Variants in GABRB2 observed in about 807,000 individuals in gnomAD.
The protein encoded by GABRB2 is gamma-aminobutyric acid type A receptor subunit beta2, also known as gamma-aminobutyric acid receptor subunit beta-2.
Under a neutral mutation model 54.7 loss-of-function variants are expected in GABRB2, and 16 were observed. The observed-to-expected ratio is 0.29, with a 90% CI of 0.20 to 0.44. The LOEUF (loss-of-function observed/expected upper bound fraction) is 0.44. Among genes scored for constraint, GABRB2 ranks in the 20% least tolerant of loss-of-function variants. GABRB2 has a pLI of 1.00. For synonymous variants in GABRB2, 244 were observed against 233.8 expected (o/e 1.04, Z -0.40); for missense variants, 355 against 644.0 (o/e 0.55, Z 4.86).
Position 161,289,103 on chromosome 5 carries a change from A to G in GABRB2, c.*4978T>C, listed in dbSNP as rs1270254998. The stretch of plus-strand genomic sequence containing the variant: ...TACAGTTTTGTTTTTCATCATTTGA[A>G]TCATATTGATCTTCATCACAAATAA... On this transcript the variant is annotated 3_prime_UTR_variant, in exon 10 of 10. Coordinates refer to ENST00000393959, the MANE Select transcript of GABRB2 (RefSeq NM_001371727.1). 1 of 152,070 alleles carries G rather than the reference A, an allele frequency of 6.6e-6. No homozygotes were observed. Among genetic ancestry groups the G allele is most frequent in the East Asian group, 1.9e-4 (1 of 5,200 alleles). The allele number at this position is 152,070 out of a possible 1,614,324, so 9.4% of individuals were successfully genotyped here.
chr5:161,326,292 A>AT, intron 9 of GABRB2, 76 bp downstream of exon 9: 1 of 1,586,798 alleles, frequency 6.3e-7, no homozygotes, highest in East Asian at 2.2e-5. Context: ...GATCCCACAC[A>AT]TTTTTTAAGG....
At chr5:161,463,767 A>G (rs1247733124) in intron 3 of GABRB2, among the ~76,000 whole-genome samples, 1 of 150,744 alleles carries the variant, frequency 6.6e-6, no homozygotes, top group African/African-American at 2.4e-5. Context: ...CTAAAAGTAA[A>G]CCCATGCACC....
intron 9 of GABRB2, among the ~76,000 whole-genome samples, chr5:161,299,709 TA>T (rs1757482126): frequency 6.6e-6 from 1 of 152,144 alleles, no homozygotes; most frequent in Admixed American, 6.5e-5. Flanking sequence ...CTTTCTTTCT[TA>T]AGCCAGTATT....
intron 3 of GABRB2, among the ~76,000 whole-genome samples, chr5:161,529,276 C>A (rs140609040): frequency 2.0e-5 from 3 of 151,864 alleles, no homozygotes; most frequent in Admixed American, 1.3e-4. Context: ...TTATTATTTA[C>A]GTTCTATTTG....
chr5:161,471,882 T>G (rs113309514), intron 3 of GABRB2, among the ~76,000 whole-genome samples: 30 of 152,148 alleles, frequency 2.0e-4, no homozygotes, highest in African/African-American at 7.0e-4. Context: ...CTAATTAGTC[T>G]GTACCCAATG....
At chr5:161,495,947 C>T (rs1759228513) in intron 3 of GABRB2, among the ~76,000 whole-genome samples, 1 of 152,162 alleles carries the variant, frequency 6.6e-6, no homozygotes, top group African/African-American at 2.4e-5. Context: ...AGTAGAACTT[C>T]ACATTTGCAT....
intron 2 of GABRB2, 42 bp downstream of exon 2, chr5:161,546,280 C>T (rs762173116): frequency 5.2e-6 from 8 of 1,531,354 alleles, no homozygotes; most frequent in Admixed American, 1.7e-5. Context: ...CAAAAGACAG[C>T]TTCGGCTGTG....
rs551401304 is a variant in GABRB2, at chr5:161,533,508, T to C, written c.237+11719A>G. On this transcript the variant is annotated intron_variant, in intron 3 of 9. Coordinates refer to ENST00000393959, the MANE Select transcript of GABRB2 (RefSeq NM_001371727.1). ...ATATGAGTTAGAGTCATATAAAGCT[T>C]AAAAAATAGATTTCATTTAGATGCT... Among the ~76,000 whole-genome samples, 261 of 152,224 alleles carry C rather than the reference T, an allele frequency of 1.7e-3. 1 individual carries two copies. The highest frequency in any genetic ancestry group is 6.0e-3 in the African/African-American group (249 of 41,562).
chr5:161,403,753 C>T (rs1428263069), intron 5 of GABRB2, among the ~76,000 whole-genome samples: 1 of 151,694 alleles, frequency 6.6e-6, no homozygotes, highest in Non-Finnish European at 1.5e-5. Flanking sequence ...AACGTGACTG[C>T]CAAAACAAAA....
intron 5 of GABRB2, among the ~76,000 whole-genome samples, chr5:161,348,119 A>G (rs1188438921): frequency 6.6e-6 from 1 of 152,070 alleles, no homozygotes; most frequent in Non-Finnish European, 1.5e-5. Context: ...TAAAACAGCA[A>G]TTCTCAAATT....
At chr5:161,321,127 G>A (rs1036882034) in intron 9 of GABRB2, among the ~76,000 whole-genome samples, 1 of 151,966 alleles carries the variant, frequency 6.6e-6, no homozygotes, top group African/African-American at 2.4e-5. Flanking sequence ...CTCTAGGTTG[G>A]CAATCTATGA....
intron 4 of GABRB2, among the ~76,000 whole-genome samples, chr5:161,446,939 T>C (rs1757649649): frequency 6.6e-6 from 1 of 151,538 alleles, no homozygotes; most frequent in South Asian, 2.1e-4. Context: ...TATTGATACA[T>C]AATAAGAATT....
At chr5:161,420,593 T>C (rs1756820847) in intron 4 of GABRB2, among the ~76,000 whole-genome samples, 1 of 152,218 alleles carries the variant, frequency 6.6e-6, no homozygotes, top group South Asian at 2.1e-4. Context: ...TTGCCCTGTC[T>C]TGCTTCTGTA....
intron 3 of GABRB2, among the ~76,000 whole-genome samples, chr5:161,474,744 T>C (rs1436995967): frequency 6.6e-6 from 1 of 152,010 alleles, no homozygotes. Flanking sequence ...TCAGATATAA[T>C]ACCAGAGTCT....
intron 5 of GABRB2, among the ~76,000 whole-genome samples, chr5:161,389,662 G>T (rs1468676526): frequency 6.6e-6 from 1 of 151,406 alleles, no homozygotes; most frequent in Non-Finnish European, 1.5e-5. Context: ...AGGGATTAAG[G>T]AATTGTTTGG....
intron 7 of GABRB2, among the ~76,000 whole-genome samples, chr5:161,332,009 C>CA (rs1053764078): frequency 6.6e-5 from 10 of 151,194 alleles, no homozygotes; most frequent in East Asian, 1.9e-4. Context: ...ACTAAAAATA[C>CA]AAAAAAATTA....
At chr5:161,307,509 C>G (rs1757723725) in intron 9 of GABRB2, among the ~76,000 whole-genome samples, 1 of 152,170 alleles carries the variant, frequency 6.6e-6, no homozygotes, top group Non-Finnish European at 1.5e-5. Flanking sequence ...TTGGAATCAG[C>G]TTTGAATGCT....
At chr5:161,460,175 A>G (rs1758076559) in intron 3 of GABRB2, among the ~76,000 whole-genome samples, 1 of 152,032 alleles carries the variant, frequency 6.6e-6, no homozygotes, top group African/African-American at 2.4e-5. Flanking sequence ...CGAACTATTG[A>G]CCTCAGGTAA....
chr5:161,421,343 G>A (rs1157687052), intron 4 of GABRB2, among the ~76,000 whole-genome samples: 1 of 152,124 alleles, frequency 6.6e-6, no homozygotes, highest in African/African-American at 2.4e-5. Flanking sequence ...GTTGCCATTA[G>A]AGCGACCCCC....
Sources: allele counts gnomAD v4.1 joint callset (sites outside exome capture counted in the v4.1 genomes callset), GRCh38; gene constraint gnomAD v4.1.1; transcripts MANE v1.5; gene names NCBI Gene and HGNC (gene_info 2026-07-23, HGNC 2026-07-21).